The following ICA1 variants were observed in gnomAD, a reference collection of about 807,000 sequenced individuals.
ICA1 encodes 69 kDa islet cell autoantigen.
ICA1 carries 40 observed loss-of-function variants against 71.0 expected under a neutral mutation model. The ratio of observed to expected loss-of-function variants is 0.56; its 90% CI spans 0.44 to 0.73. ICA1 has a LOEUF of 0.73. ICA1 is among the 30% of genes least tolerant of loss of function. ICA1 has a pLI of 0.00. For missense variants in ICA1, 578 were observed against 576.5 expected, an observed-to-expected ratio of 1.00 and a Z score of -0.03; for synonymous variants, 207 against 209.5, an observed-to-expected ratio of 0.99 and a Z score of 0.10.
intron 13 of ICA1, among the ~76,000 whole-genome samples, chr7:8,121,266 T>C (rs1786801051): frequency 6.6e-6 from 1 of 152,158 alleles, no homozygotes; most frequent in Admixed American, 6.5e-5. Flanking sequence ...TCTCCCCCAC[T>C]TCTTGCCTGC....
At chr7:8,246,673 G>C (rs1563189287) in intron 1 of ICA1, among the ~76,000 whole-genome samples, 1 of 152,214 alleles carries the variant, frequency 6.6e-6, no homozygotes. Context: ...GAAGAATTGA[G>C]AGAACAGTGG....
Position 8,158,550 on chromosome 7 carries a change from A to G in ICA1, c.682T>C (p.Ser228Pro). The change falls in exon 7 of 14, where the codon TCT (serine) becomes CCT (proline). Residue 228 changes from serine (S) to proline (P), a missense_variant. Coordinates refer to ENST00000402384, the MANE Select transcript of ICA1 (RefSeq NM_001136020.3). ...ACCTGGTATGTTGCTAGCATGTGAG[A>G]CAAGAGATTGCATCTGCTCGCTCCA... is the stretch of plus-strand genomic sequence containing the variant. ...LLGASRCNLL[S>P]HMLATYQTTL... is the part of the protein sequence containing the mutation. 1 of 1,614,136 alleles carries G rather than the reference A, an allele frequency of 6.2e-7. No individual in the cohort carries two copies.
chr7:8,202,826 A>C (rs1376620235), intron 6 of ICA1, among the ~76,000 whole-genome samples: 1 of 151,858 alleles, frequency 6.6e-6, no homozygotes, highest in Admixed American at 6.6e-5. Flanking sequence ...TCTTAGGCTG[A>C]TTACTCCTAA....
intron 6 of ICA1, among the ~76,000 whole-genome samples, chr7:8,203,466 C>T (rs921597028): frequency 9.2e-5 from 14 of 152,176 alleles, no homozygotes; most frequent in South Asian, 2.1e-4. Flanking sequence ...AGCTATTTCA[C>T]GATGGTGCTC....
intron 6 of ICA1, among the ~76,000 whole-genome samples, chr7:8,175,242 A>C (rs947810244): frequency 6.6e-6 from 1 of 152,156 alleles, no homozygotes; most frequent in Non-Finnish European, 1.5e-5. Context: ...GTCAATAAAG[A>C]AGCAAAAGGA....
intron 6 of ICA1, among the ~76,000 whole-genome samples, chr7:8,187,705 C>G (rs932306067): frequency 9.9e-5 from 15 of 152,158 alleles, no homozygotes; most frequent in African/African-American, 3.6e-4. Context: ...TACAACTGTA[C>G]AAAAGATTTC....
chr7:8,160,671 A>G (rs373232581), intron 6 of ICA1, among the ~76,000 whole-genome samples: 2 of 152,348 alleles, frequency 1.3e-5, no homozygotes, highest in Admixed American at 6.5e-5. Flanking sequence ...TAGCTATGTC[A>G]AAACTGTCCT....
chr7:8,229,504 T>A (rs1799612854), intron 3 of ICA1, among the ~76,000 whole-genome samples: 1 of 152,200 alleles, frequency 6.6e-6, no homozygotes. Context: ...ACCTGGAAGA[T>A]AAACATCTTG....
At chr7:8,122,482 C>A (rs1361464508) in intron 13 of ICA1, among the ~76,000 whole-genome samples, 1 of 152,260 alleles carries the variant, frequency 6.6e-6, no homozygotes, top group Non-Finnish European at 1.5e-5. Flanking sequence ...GCTCCAAGAC[C>A]TGCAAATGCT....
intron 10 of ICA1, among the ~76,000 whole-genome samples, chr7:8,140,298 C>T (rs1794776776): frequency 6.6e-6 from 1 of 152,160 alleles, no homozygotes; most frequent in Admixed American, 6.5e-5. Context: ...CCAGCTGCTC[C>T]CTTTCTCCTC....
At chr7:8,230,685 T>A (rs12533214) in intron 3 of ICA1, among the ~76,000 whole-genome samples, 1 of 152,040 alleles carries the variant, frequency 6.6e-6, no homozygotes. Context: ...GAAAATACTA[T>A]GAGATATAAA....
At chr7:8,126,182 T>C (rs1295581438) in intron 13 of ICA1, among the ~76,000 whole-genome samples, 1 of 152,188 alleles carries the variant, frequency 6.6e-6, no homozygotes, top group African/African-American at 2.4e-5. Flanking sequence ...CTGTGGTTAG[T>C]AGGGGCTCTT....
intron 6 of ICA1, among the ~76,000 whole-genome samples, chr7:8,187,345 C>G (rs1784228448): frequency 6.6e-6 from 1 of 152,120 alleles, no homozygotes; most frequent in Non-Finnish European, 1.5e-5. Context: ...GTTTGTGTAT[C>G]TGAACATATC....
At chr7:8,136,152 G>A (rs1793330995) in intron 12 of ICA1, among the ~76,000 whole-genome samples, 1 of 152,138 alleles carries the variant, frequency 6.6e-6, no homozygotes, top group Non-Finnish European at 1.5e-5. Flanking sequence ...CTGAATGGGG[G>A]TGATTTTCTG....
intron 1 of ICA1, among the ~76,000 whole-genome samples, chr7:8,242,834 G>C (rs1338816212): frequency 6.6e-6 from 1 of 152,076 alleles, no homozygotes; most frequent in South Asian, 2.1e-4. Flanking sequence ...ATGAATTCCT[G>C]GACACATACA....
intron 1 of ICA1, among the ~76,000 whole-genome samples, chr7:8,248,047 T>C (rs1806725501): frequency 6.6e-6 from 1 of 152,208 alleles, no homozygotes; most frequent in Admixed American, 6.5e-5. Context: ...GTCAGTTTAT[T>C]AGATCAACTA....
chr7:8,161,706 C>A (rs995149685), intron 6 of ICA1, among the ~76,000 whole-genome samples: 3 of 152,124 alleles, frequency 2.0e-5, no homozygotes, highest in Admixed American at 6.5e-5. Flanking sequence ...CAGTCTTTGA[C>A]CAGCTGACTC....
intron 6 of ICA1, among the ~76,000 whole-genome samples, chr7:8,204,427 G>A (rs1260168492): frequency 1.3e-5 from 2 of 152,208 alleles, no homozygotes; most frequent in Non-Finnish European, 2.9e-5. Flanking sequence ...CTAAACTCTT[G>A]TGCAGTTTTA....
chr7:8,180,505 C>T (rs1329816447), intron 6 of ICA1, among the ~76,000 whole-genome samples: 1 of 152,134 alleles, frequency 6.6e-6, no homozygotes, highest in Non-Finnish European at 1.5e-5. Context: ...GAATGTTTTA[C>T]ATGAACATTC....
Sources: allele counts gnomAD v4.1 joint callset (sites outside exome capture counted in the v4.1 genomes callset), GRCh38; gene constraint gnomAD v4.1.1; transcripts MANE v1.5; gene names NCBI Gene and HGNC (gene_info 2026-07-23, HGNC 2026-07-21).